Variants in ZC3H18 observed in about 807,000 individuals in gnomAD.
ZC3H18 encodes zinc finger CCCH-type containing 18.
ZC3H18 carries 8 observed loss-of-function variants against 106.1 expected under a neutral mutation model. The observed-to-expected ratio is 0.08, with a 90% CI of 0.04 to 0.14. The LOEUF is 0.14. Among genes scored for constraint, ZC3H18 ranks in the 10% least tolerant of loss-of-function variants. The pLI is 1.00. For missense variants in ZC3H18, 1,318 were observed against 1,278.4 expected (o/e 1.03, Z -0.47); for synonymous variants, 635 against 522.1 (o/e 1.22, Z -2.95).
intron 13 of ZC3H18, 101 bp downstream of exon 13, chr16:88,625,368 T>C (rs1433852321): frequency 6.9e-7 from 1 of 1,455,342 alleles, no homozygotes; most frequent in Non-Finnish European, 9.4e-7. Context: ...ACAGGTGGGC[T>C]GGGGCCCTTC....
intron 16 of ZC3H18, among the ~76,000 whole-genome samples, chr16:88,629,860 G>A (rs1012092251): frequency 1.3e-5 from 2 of 152,218 alleles, no homozygotes; most frequent in Non-Finnish European, 1.5e-5. Flanking sequence ...GAACAGGCAG[G>A]GGGCTTCCAG....
chr16:88,581,562 A>G (rs1915131891), intron 2 of ZC3H18, among the ~76,000 whole-genome samples: 1 of 152,210 alleles, frequency 6.6e-6, no homozygotes, highest in Non-Finnish European at 1.5e-5. Flanking sequence ...GTTTCCGTAC[A>G]GGGCTGGGAC....
chr16:88,615,917 GC>G (rs556126867), intron 8 of ZC3H18, among the ~76,000 whole-genome samples: 140 of 152,342 alleles, frequency 9.2e-4, no homozygotes, highest in African/African-American at 3.3e-3. Context: ...GCGTTAGAGG[GC>G]CGCCATGCCT....
chr16:88,623,278 C>G lies in ZC3H18; in HGVS notation c.1727C>G (p.Ser576Cys), dbSNP rs776984698. Residue 576 changes from serine to cysteine, a missense_variant, in exon 10 of 18, where the codon TCT (serine) becomes TGT (cysteine). This residue lies in a region of ZC3H18 where 848 missense variants were observed against 821.7 expected (regional missense o/e 1.03). Transcript: ENST00000301011. ...GSGSSRSRSR[S>C]SSYSSYSSRS... ...GGCTCCTCCCGGTCGCGATCCCGGT[C>G]TTCATCCTACAGCTCCTACTCCAGC... The G allele has an allele frequency of 6.2e-7, 1 of 1,613,828 alleles. No individual in the cohort carries two copies. Among genetic ancestry groups the G allele is most frequent in the Non-Finnish European group, 8.5e-7 (1 of 1,180,010 alleles).
At chr16:88,610,525 G>A (rs1040338594) in intron 7 of ZC3H18, among the ~76,000 whole-genome samples, 28 of 152,210 alleles carry the variant, frequency 1.8e-4, no homozygotes, top group Non-Finnish European at 2.9e-4. Context: ...TTTCCACTGC[G>A]TTCCTCTCTG....
At chr16:88,588,995 G>A (rs1034374088) in intron 3 of ZC3H18, among the ~76,000 whole-genome samples, 5 of 152,122 alleles carry the variant, frequency 3.3e-5, no homozygotes, top group African/African-American at 9.7e-5. Flanking sequence ...GAGGTGATAC[G>A]GTACAGAGGA....
At chr16:88,594,008 C>G (rs1402683830) in intron 3 of ZC3H18, among the ~76,000 whole-genome samples, 1 of 152,172 alleles carries the variant, frequency 6.6e-6, no homozygotes, top group Non-Finnish European at 1.5e-5. Context: ...AAGGAGCCTT[C>G]CCTTGCTGAG....
At chr16:88,620,869 T>G (rs551395190) in intron 8 of ZC3H18, among the ~76,000 whole-genome samples, 1 of 152,310 alleles carries the variant, frequency 6.6e-6, no homozygotes, top group Non-Finnish European at 1.5e-5. Flanking sequence ...GTTTGGGTTT[T>G]TTTGTTTGTT....
rs190108778 is a variant in ZC3H18 at position 88,603,983 on chromosome 16, C to G, written c.1088+4035C>G. Among the ~76,000 whole-genome samples, 8 of 152,168 alleles carry G rather than the reference C, an allele frequency of 5.3e-5. No individual in the cohort carries two copies. In the East Asian group the frequency reaches 1.6e-3, roughly 30 times the overall value. On this transcript the variant is annotated intron_variant, in intron 6 of 17. Coordinates refer to ENST00000301011, the MANE Select transcript of ZC3H18 (RefSeq NM_144604.4). ...TAATACTTTGCTAGACAGACGCACT[C>G]TGATTCGCAGCTTTAAATATTCCGT...
chr16:88,593,352 G>A (rs563858984), intron 3 of ZC3H18, among the ~76,000 whole-genome samples: 3 of 152,362 alleles, frequency 2.0e-5, no homozygotes, highest in African/African-American at 4.8e-5. Context: ...AGTTAGCGTC[G>A]TGGACAGCTT....
chr16:88,579,887 C>G (rs961437830), intron 2 of ZC3H18, among the ~76,000 whole-genome samples: 7 of 152,162 alleles, frequency 4.6e-5, no homozygotes, highest in Admixed American at 3.3e-4. Context: ...CTGAGTGTGA[C>G]TGGGCAGGGC....
At chr16:88,586,100 A>C (rs189817685) in intron 2 of ZC3H18, among the ~76,000 whole-genome samples, 1 of 152,182 alleles carries the variant, frequency 6.6e-6, no homozygotes, top group African/African-American at 2.4e-5. Flanking sequence ...CTAAGACTTG[A>C]CAGTCAGGGT....
intron 11 of ZC3H18, 197 bp from the exon 12 acceptor site, chr16:88,624,405 G>A (rs1906163186): frequency 1.2e-6 from 1 of 849,022 alleles, no homozygotes; most frequent in African/African-American, 1.7e-5. Context: ...GCCTGGAAGG[G>A]CTGCTGGGGG....
intron 4 of ZC3H18, 145 bp downstream of exon 4, chr16:88,598,471 T>G: frequency 2.0e-6 from 3 of 1,471,108 alleles, no homozygotes; most frequent in Non-Finnish European, 1.8e-6. Context: ...GAAGCAGGCC[T>G]CGGCTTTCCG....
chr16:88,613,912 C>G (rs145524559), intron 8 of ZC3H18, among the ~76,000 whole-genome samples: 165 of 151,998 alleles, frequency 1.1e-3, no homozygotes, highest in African/African-American at 3.2e-3. Flanking sequence ...GGCTGGGTGA[C>G]AGAGAGAGAC....
chr16:88,625,311 G>A (rs1457130401), intron 13 of ZC3H18, 44 bp downstream of exon 13: 1 of 1,555,610 alleles, frequency 6.4e-7, no homozygotes, highest in Admixed American at 1.9e-5. Flanking sequence ...CTCCCCGTCG[G>A]GGCCAGGAAG....
At chr16:88,600,084 C>T (rs1904669047) in intron 6 of ZC3H18, 136 bp downstream of exon 6, 7 of 1,154,868 alleles carry the variant, frequency 6.1e-6, no homozygotes, top group Non-Finnish European at 8.5e-6. Context: ...AGTGACGTTC[C>T]TGAGAGCATT....
chr16:88,578,652 G>C (rs1437366708), intron 2 of ZC3H18, among the ~76,000 whole-genome samples: 1 of 152,112 alleles, frequency 6.6e-6, no homozygotes, highest in Non-Finnish European at 1.5e-5. Flanking sequence ...GCAGGTAAAG[G>C]CTGCCAGTTA....
At chr16:88,621,647 C>T (rs1403177029) in intron 8 of ZC3H18, among the ~76,000 whole-genome samples, 7 of 152,076 alleles carry the variant, frequency 4.6e-5, no homozygotes, top group Admixed American at 1.3e-4. Context: ...TGAGCCATCG[C>T]GCCCAGCCTA....
Sources: gnomAD v4.1 joint callset for allele counts (sites outside exome capture counted in the v4.1 genomes callset) on GRCh38, gnomAD v4.1.1 for gene constraint, gnomAD v4.1.1 regional missense constraint, MANE v1.5 for transcripts, NCBI Gene and HGNC (gene_info 2026-07-23, HGNC 2026-07-21) for gene names.